Variants in CADM2 observed in about 807,000 individuals in gnomAD.
The protein encoded by CADM2 is immunoglobulin superfamily member 4D.
In CADM2, 12 loss-of-function variants were observed where a neutral mutation model predicts 49.8. The ratio of observed to expected loss-of-function variants is 0.24; its 90% CI spans 0.15 to 0.39. CADM2 has a LOEUF of 0.39. Ranked by LOEUF, CADM2 falls within the 10% of genes least tolerant of loss-of-function variation. CADM2 has a pLI of 1.00. For synonymous variants in CADM2, 214 were observed against 175.4 expected (o/e 1.22, Z -1.74); for missense variants, 378 against 492.3 (o/e 0.77, Z 2.20).
At chr3:85,212,641 T>C (rs1229829749) in intron 1 of CADM2, among the ~76,000 whole-genome samples, 1 of 152,022 alleles carries the variant, frequency 6.6e-6, no homozygotes, top group African/African-American at 2.4e-5. Flanking sequence ...TATGTTATTT[T>C]ACTATGTCTT....
At chr3:85,213,132 C>G (rs992012968) in intron 1 of CADM2, among the ~76,000 whole-genome samples, 1 of 151,952 alleles carries the variant, frequency 6.6e-6, no homozygotes, top group African/African-American at 2.4e-5. Flanking sequence ...ATCTGCCTAC[C>G]TTGGCTGCCC....
At chr3:85,064,042 A>C (rs1416682586) in intron 1 of CADM2, among the ~76,000 whole-genome samples, 1 of 152,064 alleles carries the variant, frequency 6.6e-6, no homozygotes, top group African/African-American at 2.4e-5. Flanking sequence ...TTGAAGGAAA[A>C]CCGATTCCTT....
chr3:85,992,832 G>C (rs1728946516), intron 8 of CADM2: 1 of 152,148 alleles, frequency 6.6e-6, no homozygotes, highest in Non-Finnish European at 1.5e-5. Context: ...CTGAAGGTTA[G>C]AGTGGTAAGG....
chr3:85,149,759 T>C (rs536799085), intron 1 of CADM2, among the ~76,000 whole-genome samples: 1 of 152,300 alleles, frequency 6.6e-6, no homozygotes, highest in Admixed American at 6.5e-5. Flanking sequence ...TGTAGCGTTA[T>C]AGACACGTTT....
rs541048425 is a variant in CADM2 at position 85,713,394 on chromosome 3, C to T, written c.62-13128C>T. 1.1e-4 allele frequency among the ~76,000 whole-genome samples: 16 copies of T among 152,300 alleles called. No homozygotes were observed. The East Asian group carries it at 3.1e-3, about 29-fold the overall frequency. ...ATACTCCTCACCTCAGGTGATCCGC[C>T]CTTCTGGGCCTCCTAAAGTGCTGGG... On this transcript the variant is annotated intron_variant, in intron 1 of 9. Coordinates refer to ENST00000383699, the MANE Select transcript of CADM2 (RefSeq NM_001167675.2).
intron 2 of CADM2, among the ~76,000 whole-genome samples, chr3:85,777,601 T>G (rs1359042375): frequency 1.3e-5 from 2 of 152,176 alleles, no homozygotes; most frequent in Admixed American, 6.6e-5. Context: ...TCTGCTCTCA[T>G]GTTTTCCTAT....
At chr3:86,051,504 C>A (rs2107324295) in intron 8 of CADM2, among the ~76,000 whole-genome samples, 1 of 152,232 alleles carries the variant, frequency 6.6e-6, no homozygotes, top group East Asian at 1.9e-4. Flanking sequence ...TTTAGGTATT[C>A]TATAGAAATG....
chr3:85,608,687 C>A (rs888134685), intron 1 of CADM2, among the ~76,000 whole-genome samples: 1 of 152,128 alleles, frequency 6.6e-6, no homozygotes, highest in African/African-American at 2.4e-5. Flanking sequence ...GCTGATCAAA[C>A]TAATTATACA....
chr3:85,569,701 C>A (rs373629444), intron 1 of CADM2, among the ~76,000 whole-genome samples: 1,454 of 113,654 alleles, frequency 0.013, 2 homozygotes, highest in African/African-American at 0.018. Context: ...TTTCTAATGG[C>A]AAAAAAAAAA....
rs1553743549 is a variant in CADM2, at chr3:85,568,397, C to CTCTTTTCTTTCTT, written c.62-158120_62-158119insTCTTTCTTTCTTT. 5.0e-3 allele frequency among the ~76,000 whole-genome samples: 260 copies of CTCTTTTCTTTCTT among 52,098 alleles called. 19 individuals carry two copies. The highest frequency in any genetic ancestry group is 9.5e-3 in the African/African-American group (221 of 23,338). 34.2% of individuals were successfully genotyped at this position (52,098 alleles called of 152,430 possible). A position where few individuals can be genotyped will look rare whatever the true frequency, so the allele number is the denominator to read the frequency against. On this transcript the variant is annotated intron_variant, in intron 1 of 9. Transcript: ENST00000383699. ...GTTACCTACAATCTTTCCTTCCTCC[C>CTCTTTTCTTTCTT]TCTTTCTTTCTTTCTTTCTTTCTTT... is the stretch of plus-strand genomic sequence containing the variant.
At chr3:85,715,544 T>C (rs979025412) in intron 1 of CADM2, among the ~76,000 whole-genome samples, 9 of 152,196 alleles carry the variant, frequency 5.9e-5, no homozygotes, top group Non-Finnish European at 1.0e-4. Flanking sequence ...CTGGGATACA[T>C]GTGCAGAACG....
intron 1 of CADM2, among the ~76,000 whole-genome samples, chr3:85,145,533 T>C (rs1284050361): frequency 6.6e-6 from 1 of 152,118 alleles, no homozygotes; most frequent in Non-Finnish European, 1.5e-5. Flanking sequence ...ACACTGGCTT[T>C]TCAGGATTAT....
intron 1 of CADM2, among the ~76,000 whole-genome samples, chr3:85,714,755 T>G (rs563345189): frequency 1.3e-5 from 2 of 152,160 alleles, no homozygotes; most frequent in Admixed American, 6.6e-5. Flanking sequence ...TACTTGACCT[T>G]ATTCTGCTTC....
intron 1 of CADM2, among the ~76,000 whole-genome samples, chr3:85,011,123 C>A (rs1370146670): frequency 6.6e-6 from 1 of 151,998 alleles, no homozygotes; most frequent in Non-Finnish European, 1.5e-5. Context: ...CTCAGCCTCC[C>A]AAAGTGCTGG....
chr3:85,360,428 A>C (rs2032274970), intron 1 of CADM2, among the ~76,000 whole-genome samples: 1 of 152,194 alleles, frequency 6.6e-6, no homozygotes, highest in Non-Finnish European at 1.5e-5. Flanking sequence ...CACAAATCAA[A>C]TTTGGCTCAC....
At chr3:85,955,276 A>G (rs1192133819) in intron 7 of CADM2, among the ~76,000 whole-genome samples, 2 of 151,380 alleles carry the variant, frequency 1.3e-5, no homozygotes, top group African/African-American at 2.4e-5. Flanking sequence ...AACATATCCT[A>G]TCTTTATGAA....
chr3:85,044,309 C>CT (rs1025202424), intron 1 of CADM2, among the ~76,000 whole-genome samples: 5 of 151,898 alleles, frequency 3.3e-5, no homozygotes, highest in African/African-American at 1.2e-4. Context: ...AATTAATCCC[C>CT]CTACCCCCCA....
chr3:85,234,744 TCTCTCCAGAGTAGTAGTA>T (rs1317135620), intron 1 of CADM2, among the ~76,000 whole-genome samples: 3 of 152,192 alleles, frequency 2.0e-5, no homozygotes, highest in African/African-American at 4.8e-5. Context: ...TAGTAATTTC[TCTCTCCAGAGTAGTAGTA>T]CTCTCCAGAG....
intron 1 of CADM2, among the ~76,000 whole-genome samples, chr3:85,116,841 T>G (rs2038656916): frequency 6.6e-6 from 1 of 152,088 alleles, no homozygotes; most frequent in Admixed American, 6.6e-5. Context: ...GTTCTTACCT[T>G]AGGACATTTT....
Sources: allele counts gnomAD v4.1 joint callset (sites outside exome capture counted in the v4.1 genomes callset), GRCh38; gene constraint gnomAD v4.1.1; transcripts MANE v1.5; gene names NCBI Gene and HGNC (gene_info 2026-07-23, HGNC 2026-07-21).